The following DOCK3 variants were observed in gnomAD, a reference collection of about 807,000 sequenced individuals.
The protein encoded by DOCK3 is dedicator of cytokinesis protein 3.
In DOCK3, 60 loss-of-function variants were observed where a neutral mutation model predicts 265.6. That is an observed-to-expected ratio of 0.23 (90% CI 0.18 to 0.28). The LOEUF (loss-of-function observed/expected upper bound fraction) is 0.28, where lower values mean the gene tolerates loss of function less well. Ranked by LOEUF, DOCK3 falls within the 10% of genes least tolerant of loss-of-function variation. DOCK3 has a pLI of 1.00. For missense variants in DOCK3, 1,981 were observed against 2,594.3 expected, an observed-to-expected ratio of 0.76 and a Z score of 5.14; for synonymous variants, 881 against 938.0, an observed-to-expected ratio of 0.94 and a Z score of 1.11.
chr3:50,775,115 T>G (rs1424376546), intron 1 of DOCK3, among the ~76,000 whole-genome samples: 3 of 152,164 alleles, frequency 2.0e-5, no homozygotes, highest in South Asian at 4.1e-4. Context: ...GTAATTTTCC[T>G]TTAGTCTCAT....
intron 5 of DOCK3, among the ~76,000 whole-genome samples, chr3:50,965,559 G>C (rs1324047759): frequency 6.6e-6 from 1 of 152,062 alleles, no homozygotes; most frequent in Non-Finnish European, 1.5e-5. Context: ...TTCCATGAAA[G>C]ACGTAAACTA....
rs888124479 is a variant in DOCK3, at chr3:50,763,273, A to G, written c.38-15402A>G. Among the ~76,000 whole-genome samples the G allele has an allele frequency of 3.0e-4, 45 of 152,010 alleles. 1 individual carries two copies. The highest frequency in any genetic ancestry group is 2.9e-5 in the Non-Finnish European group (2 of 67,930). On this transcript the variant is annotated intron_variant, in intron 1 of 52. Coordinates refer to ENST00000266037, the MANE Select transcript of DOCK3 (RefSeq NM_004947.5). ...ATTAGAGAGCAATTCAGATTTTTCT[A>G]TTTCTTCTTTTTTATTTTTATTTTT...
At chr3:51,024,001 T>G (rs1179590846) in intron 5 of DOCK3, among the ~76,000 whole-genome samples, 1 of 152,192 alleles carries the variant, frequency 6.6e-6, no homozygotes, top group Non-Finnish European at 1.5e-5. Context: ...GATAGCCTAT[T>G]TTTTCAAATT....
chr3:50,737,554 T>A (rs995801157), intron 1 of DOCK3, among the ~76,000 whole-genome samples: 1 of 152,228 alleles, frequency 6.6e-6, no homozygotes, highest in African/African-American at 2.4e-5. Context: ...TATATGAATA[T>A]GTTAGTTTAC....
chr3:51,369,508 A>T (rs1333724282), intron 49 of DOCK3, among the ~76,000 whole-genome samples: 2 of 152,242 alleles, frequency 1.3e-5, no homozygotes, highest in Admixed American at 1.3e-4. Flanking sequence ...AAGAGTAAAA[A>T]GAAATGAACA....
At chr3:50,932,635 C>T (rs183960672) in intron 4 of DOCK3, among the ~76,000 whole-genome samples, 2 of 152,330 alleles carry the variant, frequency 1.3e-5, no homozygotes, top group East Asian at 3.9e-4. Flanking sequence ...TGGTCCCAGT[C>T]ATACCAGCTT....
chr3:51,169,867 T>G (rs1038673593), intron 12 of DOCK3, among the ~76,000 whole-genome samples: 1 of 152,192 alleles, frequency 6.6e-6, no homozygotes, highest in South Asian at 2.1e-4. Flanking sequence ...TCTCACTTGA[T>G]TGTGGTATAT....
intron 6 of DOCK3, among the ~76,000 whole-genome samples, chr3:51,069,076 C>T (rs944403790): frequency 1.3e-5 from 2 of 152,068 alleles, no homozygotes; most frequent in African/African-American, 4.8e-5. Context: ...AATATTCAGA[C>T]ATTAAACTTA....
intron 2 of DOCK3, among the ~76,000 whole-genome samples, chr3:50,801,267 G>T (rs1046144523): frequency 3.9e-5 from 6 of 152,056 alleles, no homozygotes; most frequent in Non-Finnish European, 7.4e-5. Context: ...GGGTTAGGCC[G>T]CACAGGCTAA....
intron 27 of DOCK3, among the ~76,000 whole-genome samples, chr3:51,302,418 C>T (rs1372535489): frequency 1.3e-5 from 2 of 152,072 alleles, no homozygotes; most frequent in African/African-American, 4.8e-5. Context: ...GGGCATTTAG[C>T]CTATTTACAT....
chr3:50,979,668 T>C (rs910393646), intron 5 of DOCK3, among the ~76,000 whole-genome samples: 3 of 152,154 alleles, frequency 2.0e-5, no homozygotes, highest in African/African-American at 7.2e-5. Flanking sequence ...TAAGCCTCTT[T>C]TTAAAAAAAA....
chr3:51,153,581 C>G (rs2085712586), intron 10 of DOCK3, among the ~76,000 whole-genome samples: 1 of 152,206 alleles, frequency 6.6e-6, no homozygotes, highest in Non-Finnish European at 1.5e-5. Flanking sequence ...TCACCATCTT[C>G]TGCGTCGATC....
chr3:50,721,839 A>G (rs771101695), intron 1 of DOCK3, among the ~76,000 whole-genome samples: 4 of 151,882 alleles, frequency 2.6e-5, no homozygotes, highest in Non-Finnish European at 5.9e-5. Context: ...TGTTTTTTTC[A>G]TTTGTATGTG....
chr3:51,233,475 C>T (rs2078226412), intron 19 of DOCK3, among the ~76,000 whole-genome samples: 1 of 152,140 alleles, frequency 6.6e-6, no homozygotes, highest in African/African-American at 2.4e-5. Flanking sequence ...AAGTGATTCT[C>T]CTGCCTCAGT....
At chr3:50,936,499 A>G (rs1051111226) in intron 5 of DOCK3, among the ~76,000 whole-genome samples, 1 of 152,158 alleles carries the variant, frequency 6.6e-6, no homozygotes, top group Non-Finnish European at 1.5e-5. Context: ...AGAAATCTAT[A>G]CTCAGACACA....
At chr3:51,129,776 C>T (rs1160739921) in intron 9 of DOCK3, among the ~76,000 whole-genome samples, 1 of 152,166 alleles carries the variant, frequency 6.6e-6, no homozygotes, top group Non-Finnish European at 1.5e-5. Flanking sequence ...GCCAAAGGCT[C>T]CAAACAGCAT....
intron 5 of DOCK3, among the ~76,000 whole-genome samples, chr3:51,061,464 A>G (rs544498609): frequency 6.0e-4 from 91 of 152,222 alleles, no homozygotes; most frequent in African/African-American, 2.1e-3. Context: ...TTGCAAGGAC[A>G]AAAAACCAAA....
intron 5 of DOCK3, among the ~76,000 whole-genome samples, chr3:51,009,743 T>C (rs1373300413): frequency 6.6e-6 from 1 of 152,198 alleles, no homozygotes; most frequent in Non-Finnish European, 1.5e-5. Context: ...CTGTTTTCTT[T>C]TGTGGGCATT....
chr3:51,332,563 G>T (rs1576834078), intron 33 of DOCK3, among the ~76,000 whole-genome samples: 1 of 152,168 alleles, frequency 6.6e-6, no homozygotes, highest in Non-Finnish European at 1.5e-5. Flanking sequence ...GTTTAAGCTG[G>T]GTATGGTGGC....
Sources: gnomAD v4.1 joint callset for allele counts (sites outside exome capture counted in the v4.1 genomes callset) on GRCh38, gnomAD v4.1.1 for gene constraint, MANE v1.5 for transcripts, NCBI Gene and HGNC (gene_info 2026-07-23, HGNC 2026-07-21) for gene names.